The following ASNS variants were observed in gnomAD, a reference collection of about 807,000 sequenced individuals.
ASNS encodes the protein asparagine synthetase [glutamine-hydrolyzing].
ASNS carries 37 observed loss-of-function variants against 62.6 expected under a neutral mutation model. That is an observed-to-expected ratio of 0.59 (90% CI 0.45 to 0.78). The LOEUF (loss-of-function observed/expected upper bound fraction) is 0.78. Ranked by LOEUF, ASNS falls within the 30% of genes least tolerant of loss-of-function variation. The probability of loss-of-function intolerance (pLI) is 0.00; values close to 1 mark genes in which losing one functional copy is unlikely to be tolerated. For missense variants in ASNS, 520 were observed against 682.4 expected, an observed-to-expected ratio of 0.76 and a Z score of 2.65; for synonymous variants, 207 against 237.9, an observed-to-expected ratio of 0.87 and a Z score of 1.19.
chr7:97,883,987 CAAAA>C, the ASNS span, among the ~76,000 whole-genome samples: 10 of 104,362 alleles, frequency 9.6e-5, no homozygotes, highest in Admixed American at 2.2e-4. Flanking sequence ...GACTCCATCT[CAAAA>C]AAAAAAAAAA....
chr7:97,912,022 AGAG>A, the ASNS span, among the ~76,000 whole-genome samples: 6 of 152,144 alleles, frequency 3.9e-5, no homozygotes, highest in African/African-American at 1.4e-4. Flanking sequence ...CATCTCTTGG[AGAG>A]GAGGAGAGAG....
At chr7:97,852,913 T>C (rs1305063630) in intron 12 of ASNS, 147 bp downstream of exon 12, 1 of 690,318 alleles carries the variant, frequency 1.4e-6, no homozygotes, top group East Asian at 3.0e-5. Context: ...ATCAGAGAGA[T>C]ATCTGATGTA....
At chr7:97,924,895 G>T in the ASNS span, among the ~76,000 whole-genome samples, 2 of 152,238 alleles carry the variant, frequency 1.3e-5, no homozygotes, top group Non-Finnish European at 2.9e-5. Context: ...TCAGCACCTT[G>T]GGAGGCCGAG....
chr7:97,917,077 A>T, the ASNS span, among the ~76,000 whole-genome samples: 2 of 152,248 alleles, frequency 1.3e-5, no homozygotes, highest in East Asian at 3.9e-4. Context: ...TCATAAATGC[A>T]CACTCATAAC....
the ASNS span, among the ~76,000 whole-genome samples, chr7:97,897,339 T>C: frequency 6.6e-6 from 1 of 152,218 alleles, no homozygotes; most frequent in East Asian, 1.9e-4. Context: ...TACGTAGTGA[T>C]GGGCAAAGAG....
chr7:97,855,328 T>C (rs1791381737), intron 9 of ASNS, 25 bp downstream of exon 9: 1 of 1,482,816 alleles, frequency 6.7e-7, no homozygotes. Flanking sequence ...ATAGCATGAA[T>C]ATCCCTCCAC....
chr7:97,859,005 T>A, intron 5 of ASNS, 50 bp from the exon 6 acceptor site: 1 of 1,533,360 alleles, frequency 6.5e-7, no homozygotes, highest in Non-Finnish European at 8.9e-7. Flanking sequence ...TTGGGCTGGA[T>A]TAGTTATTGA....
At chr7:97,875,667 A>T (rs1792422736), upstream of ASNS, among the ~76,000 whole-genome samples, 1 of 152,224 alleles carries the variant, frequency 6.6e-6, no homozygotes, top group African/African-American at 2.4e-5. Context: ...TTCATTGGAC[A>T]AAACGGATCA....
At position 97,852,233 on chromosome 7, in the gene ASNS, C is replaced by G. The variant is rs369978566; in HGVS notation, c.*26G>C. On this transcript the variant is annotated 3_prime_UTR_variant, in exon 13 of 13. Transcript: ENST00000394308. ...CCCATCCAACACGAAGAAATATTTG[C>G]TTTCACATTACAGCATAAAGACCAC... 6.2e-7 allele frequency: 1 copy of G among 1,611,342 alleles called. No individual in the cohort carries two copies. The highest frequency in any genetic ancestry group is 8.5e-7 in the Non-Finnish European group (1 of 1,178,118).
the ASNS span, among the ~76,000 whole-genome samples, chr7:97,925,185 C>G: frequency 5.9e-5 from 9 of 152,194 alleles, no homozygotes; most frequent in African/African-American, 1.9e-4. Context: ...TTTCCATGTA[C>G]TGTCTTATTA....
the ASNS span, among the ~76,000 whole-genome samples, chr7:97,881,054 C>T: frequency 6.6e-6 from 1 of 152,168 alleles, no homozygotes; most frequent in Non-Finnish European, 1.5e-5. Context: ...CATTTTCCTA[C>T]CTCAGCCTCC....
chr7:97,871,481 C>G (rs560637870), intron 1 of ASNS, among the ~76,000 whole-genome samples: 1 of 147,942 alleles, frequency 6.8e-6, no homozygotes, highest in African/African-American at 2.5e-5. Flanking sequence ...TACAGCAATG[C>G]TATGAATCAT....
At chr7:97,914,384 G>A in the ASNS span, among the ~76,000 whole-genome samples, 2 of 152,044 alleles carry the variant, frequency 1.3e-5, no homozygotes, top group Non-Finnish European at 2.9e-5. Context: ...CGCCACTCTC[G>A]GAACACTTTA....
At chr7:97,858,238 C>T (rs1791548371) in intron 7 of ASNS, 40 bp downstream of exon 7, 1 of 1,606,770 alleles carries the variant, frequency 6.2e-7, no homozygotes, top group African/African-American at 1.3e-5. Context: ...AACAAGTCTA[C>T]TCTAACTACA....
intron 3 of ASNS, among the ~76,000 whole-genome samples, chr7:97,865,004 T>C (rs1286357726): frequency 6.6e-6 from 1 of 152,202 alleles, no homozygotes; most frequent in East Asian, 1.9e-4. Flanking sequence ...TATATAATAT[T>C]TCAAATAATT....
chr7:97,891,141 C>T, the ASNS span, among the ~76,000 whole-genome samples: 16 of 151,104 alleles, frequency 1.1e-4, no homozygotes, highest in East Asian at 3.9e-4. Flanking sequence ...CTAAGAATCA[C>T]GTTGGAAGGC....
In ASNS at chr7:97,851,759, G is replaced by T. The variant is rs920820343; in HGVS notation, c.*500C>A. On this transcript the variant is annotated 3_prime_UTR_variant, in exon 13 of 13. Coordinates refer to ENST00000394308, the MANE Select transcript of ASNS (RefSeq NM_001673.5). ...CCTGCTCTAGGACAAGTCTCCAGAA[G>T]TGGCTTTGGCTCAACATAAAAGAGA... The T allele has an allele frequency of 6.5e-6, 1 of 153,866 alleles. No homozygotes were observed. Among genetic ancestry groups the T allele is most frequent in the African/African-American group, 2.4e-5 (1 of 41,456 alleles). 9.5% of individuals were successfully genotyped at this position (153,866 alleles called of 1,614,324 possible). A position where few individuals can be genotyped will look rare whatever the true frequency, so the allele number is the denominator to read the frequency against.
At chr7:97,880,493 G>A in the ASNS span, among the ~76,000 whole-genome samples, 1 of 152,136 alleles carries the variant, frequency 6.6e-6, no homozygotes, top group Non-Finnish European at 1.5e-5. Context: ...AAATGTGAAA[G>A]GAAAGGGCGA....
the ASNS span, among the ~76,000 whole-genome samples, chr7:97,922,096 G>A: frequency 1.3e-5 from 2 of 152,220 alleles, 1 homozygote; most frequent in South Asian, 4.1e-4. Context: ...CAGGCATGGT[G>A]GCTCATGCCT....
Sources: gnomAD v4.1 joint callset for allele counts (sites outside exome capture counted in the v4.1 genomes callset) on GRCh38, gnomAD v4.1.1 for gene constraint, MANE v1.5 for transcripts, NCBI Gene and HGNC (gene_info 2026-07-23, HGNC 2026-07-21) for gene names.